Variants in HTRA3 observed in about 807,000 individuals in gnomAD.
The protein encoded by HTRA3 is HtrA serine peptidase 3, also known as serine protease HTRA3.
Under a neutral mutation model 43.2 loss-of-function variants are expected in HTRA3, and 41 were observed. The observed-to-expected ratio is 0.95, with a 90% CI of 0.74 to 1.23. HTRA3 has a LOEUF of 1.23. HTRA3 is among the 50% of genes most tolerant of loss of function. The pLI is 0.00. For synonymous variants in HTRA3, 295 were observed against 287.9 expected, an observed-to-expected ratio of 1.02 and a Z score of -0.25; for missense variants, 628 against 647.1, an observed-to-expected ratio of 0.97 and a Z score of 0.32.
At chr4:8,272,849 G>T (rs146633219) in intron 1 of HTRA3, among the ~76,000 whole-genome samples, 105 of 152,362 alleles carry the variant, frequency 6.9e-4, no homozygotes, top group Non-Finnish European at 1.1e-3. Context: ...GGCAGAGAGT[G>T]CAGGTGGGAG....
chr4:8,296,510 T>C lies in HTRA3; in HGVS notation c.1051+2309T>C. On this transcript the variant is annotated intron_variant, in intron 6 of 8. Coordinates refer to ENST00000307358, the MANE Select transcript of HTRA3 (RefSeq NM_053044.5). The surrounding 1 kb of genome is among the most constrained non-coding windows in gnomAD (Gnocchi z 5.3). ...CTAAAGTTCTTTGAAATGAACCATC[T>C]TTTTATTAAATCAAGGAGATGTTAA... The C allele has an allele frequency of 1.0e-6, 1 of 985,276 alleles. No individual in the cohort carries two copies. Among genetic ancestry groups the C allele is most frequent in the Non-Finnish European group, 1.2e-6 (1 of 829,764 alleles). The allele number at this position is 985,276 out of a possible 1,614,324, so 61.0% of individuals were successfully genotyped here.
chr4:8,303,777 C>T lies in HTRA3; in HGVS notation c.1101-407C>T, dbSNP rs113676614. ...ATTCCATGACTCAGCATTGTCTGTC[C>T]GTTCCGTGACTCAGCATTGTCTGTA... On this transcript the variant is annotated intron_variant, in intron 7 of 8. Transcript: ENST00000307358. Among the ~76,000 whole-genome samples, 137 of 152,032 alleles carry T rather than the reference C, an allele frequency of 9.0e-4. 1 individual carries two copies. Among genetic ancestry groups the T allele is most frequent in the African/African-American group, 2.7e-3 (113 of 41,482 alleles).
intron 3 of HTRA3, among the ~76,000 whole-genome samples, 170 bp from the exon 4 acceptor site, chr4:8,291,200 G>T (rs1713223227): frequency 1.3e-5 from 2 of 152,210 alleles, no homozygotes. Flanking sequence ...GCACAGGACT[G>T]CCCTGGTCTT....
chr4:8,288,439 AT>A (rs1310670293), intron 3 of HTRA3, among the ~76,000 whole-genome samples: 1 of 151,788 alleles, frequency 6.6e-6, no homozygotes, highest in Non-Finnish European at 1.5e-5. Context: ...ACACTGGCCA[AT>A]TTTTTTGTAT....
chr4:8,276,834 T>C (rs1277099450), intron 1 of HTRA3, among the ~76,000 whole-genome samples: 1 of 152,250 alleles, frequency 6.6e-6, no homozygotes, highest in Non-Finnish European at 1.5e-5. Context: ...AGCGCCCAGG[T>C]CAGGGCTTGC....
At chr4:8,304,350 G>A (rs1713760866) in intron 8 of HTRA3, 71 bp downstream of exon 8, 4 of 1,169,426 alleles carry the variant, frequency 3.4e-6, no homozygotes, top group Non-Finnish European at 5.0e-6. Context: ...CTGCCCCACT[G>A]ACCTCATGTG....
At chr4:8,304,102 C>T in intron 7 of HTRA3, 82 bp from the exon 8 acceptor site, 1 of 1,123,734 alleles carries the variant, frequency 8.9e-7, no homozygotes, top group Non-Finnish European at 1.3e-6. Context: ...TGGTCTGGTG[C>T]TGGAGGGAGG....
rs751610101 is a variant in HTRA3, at chr4:8,286,072, C to G, written c.486-489C>G. 6.6e-6 allele frequency among the ~76,000 whole-genome samples: 1 copy of G among 152,186 alleles called. No homozygotes were observed. Among genetic ancestry groups the G allele is most frequent in the Non-Finnish European group, 1.5e-5 (1 of 68,038 alleles). ...CTTTTCCCCTAGGGCCAATTATTGT[C>G]CTGTTTGTTGAGAGGCGTTTTAGAG... On this transcript the variant is annotated intron_variant, in intron 2 of 8. Coordinates refer to ENST00000307358, the MANE Select transcript of HTRA3 (RefSeq NM_053044.5). This position sits in a 1 kb window ranked among gnomAD's most constrained non-coding sequence, Gnocchi z 4.9.
At position 8,304,115 on chromosome 4, in the gene HTRA3, G is replaced by T. The variant is rs539701592; in HGVS notation, c.1101-69G>T. The T allele has an allele frequency of 6.2e-6, 8 of 1,284,712 alleles. No individual in the cohort carries two copies. The South Asian group carries it at 1.0e-4, about 16-fold the overall frequency. 79.6% of individuals were successfully genotyped at this position (1,284,712 alleles called of 1,614,324 possible). A position where few individuals can be genotyped will look rare whatever the true frequency, so the allele number is the denominator to read the frequency against. The stretch of plus-strand genomic sequence containing the variant: ...TCTGGTCTGGTGCTGGAGGGAGGGA[G>T]GGGCAGCTTCATACCAAAGAGCTGG... On this transcript the variant is annotated intron_variant, in intron 7 of 8. Coordinates refer to ENST00000307358, the MANE Select transcript of HTRA3 (RefSeq NM_053044.5).
rs1241237404 is a variant in HTRA3, at chr4:8,296,374, C to T, written c.1051+2173C>T. 27 of 985,340 alleles carry T rather than the reference C, an allele frequency of 2.7e-5. No individual in the cohort carries two copies. The highest frequency in any genetic ancestry group is 3.0e-5 in the Non-Finnish European group (25 of 829,956). The allele number at this position is 985,340 out of a possible 1,614,324, so 61.0% of individuals were successfully genotyped here. Reference sequence around the variant, plus strand: ...CAGACTAACTGAGGAGCCTGATAAACCTTAGCTGCATGGCACACTTGCAAT... The same window carrying T: ...CAGACTAACTGAGGAGCCTGATAAATCTTAGCTGCATGGCACACTTGCAAT... On this transcript the variant is annotated intron_variant, in intron 6 of 8. Transcript: ENST00000307358. This position sits in a 1 kb window ranked among gnomAD's most constrained non-coding sequence, Gnocchi z 5.3.
In HTRA3 at chr4:8,270,172, G is replaced by A; in HGVS notation, c.204G>A (p.Ser68=). 1 of 1,537,186 alleles carries A rather than the reference G, an allele frequency of 6.5e-7. No homozygotes were observed. Among genetic ancestry groups the A allele is most frequent in the Non-Finnish European group, 8.7e-7 (1 of 1,155,284 alleles). The change falls in exon 1 of 9, where the codon TCG becomes TCA. Residue 68 remains serine, a synonymous_variant. Transcript: ENST00000307358. The part of the protein sequence containing the change: ...EGEPCGGPLD[S]PCGESLECVR... Reference sequence around the variant, plus strand: ...AGCCCTGTGGCGGCCCTCTGGACTCGCCTTGCGGCGAGAGCCTGGAGTGCG... The same window carrying A: ...AGCCCTGTGGCGGCCCTCTGGACTCACCTTGCGGCGAGAGCCTGGAGTGCG...
At chr4:8,302,390 T>C (rs1713684166) in intron 6 of HTRA3, 73 bp from the exon 7 acceptor site, 2 of 1,399,646 alleles carry the variant, frequency 1.4e-6, no homozygotes. Flanking sequence ...TTCTGTCCTC[T>C]GCCTGTCCCC....
At position 8,306,260 on chromosome 4, in the gene HTRA3, C is replaced by A; in HGVS notation, c.*124C>A. On this transcript the variant is annotated 3_prime_UTR_variant, in exon 9 of 9. Transcript: ENST00000307358. This position sits in a 1 kb window ranked among gnomAD's most constrained non-coding sequence, Gnocchi z 8.9. The stretch of plus-strand genomic sequence containing the variant: ...GGGCGGCAGCCTCCTCCTGGCTGTC[C>A]GGGGCAGAGCGGAGGCTGGGCTTGG... The A allele has an allele frequency of 1.9e-6, 2 of 1,036,130 alleles. No individual in the cohort carries two copies. The highest frequency in any genetic ancestry group is 1.3e-6 in the Non-Finnish European group (1 of 743,546). 64.2% of individuals were successfully genotyped at this position (1,036,130 alleles called of 1,614,324 possible).
intron 1 of HTRA3, among the ~76,000 whole-genome samples, chr4:8,277,630 A>G (rs1560134399): frequency 6.6e-6 from 1 of 152,238 alleles, no homozygotes; most frequent in Non-Finnish European, 1.5e-5. Flanking sequence ...AGGCACAGTG[A>G]CACTTAGGAG....
At chr4:8,292,229 C>G in intron 4 of HTRA3, 92 bp from the exon 5 acceptor site, 1 of 1,096,132 alleles carries the variant, frequency 9.1e-7, no homozygotes, top group Non-Finnish European at 1.4e-6. Flanking sequence ...GCTTATGTGT[C>G]TCTGCACTGG....
chr4:8,281,600 C>A (rs929488056), intron 1 of HTRA3, among the ~76,000 whole-genome samples: 44 of 152,232 alleles, frequency 2.9e-4, no homozygotes, highest in African/African-American at 1.1e-3. Flanking sequence ...TTGCGGGGCT[C>A]GGGAGCCACG....
chr4:8,302,045 C>T (rs968377672), intron 6 of HTRA3, among the ~76,000 whole-genome samples: 3 of 152,076 alleles, frequency 2.0e-5, no homozygotes, highest in East Asian at 1.9e-4. Flanking sequence ...ACATTAGCAG[C>T]GAGTATCGTT....
intron 1 of HTRA3, among the ~76,000 whole-genome samples, chr4:8,271,991 C>A (rs769298714): frequency 6.6e-6 from 1 of 152,154 alleles, no homozygotes; most frequent in Non-Finnish European, 1.5e-5. Flanking sequence ...ATTGACTCAA[C>A]GCCTGCTGCA....
Position 8,295,588 on chromosome 4 carries a change from T to G in HTRA3, c.1051+1387T>G, listed in dbSNP as rs2153006642. 45 of 765,024 alleles carry G rather than the reference T, an allele frequency of 5.9e-5. No individual in the cohort carries two copies. The highest frequency in any genetic ancestry group is 2.5e-4 in the Middle Eastern group (1 of 3,964). 47.4% of individuals were successfully genotyped at this position (765,024 alleles called of 1,614,324 possible). On this transcript the variant is annotated intron_variant, in intron 6 of 8. Transcript: ENST00000307358. The surrounding 1 kb of genome is among the most constrained non-coding windows in gnomAD (Gnocchi z 6.9). Reference sequence around the variant, plus strand: ...CTCCCCACCTTCTCTTCAGCCCTAGTGAGCTTCTCCCTCCTGCCATTGTGT... The same window carrying G: ...CTCCCCACCTTCTCTTCAGCCCTAGGGAGCTTCTCCCTCCTGCCATTGTGT...
Sources: allele counts gnomAD v4.1 joint callset (sites outside exome capture counted in the v4.1 genomes callset), GRCh38; gene constraint gnomAD v4.1.1; non-coding constraint Gnocchi (gnomAD v3.1); transcripts MANE v1.5; gene names NCBI Gene and HGNC (gene_info 2026-07-23, HGNC 2026-07-21).